The following LEF1 variants were observed in gnomAD, a reference collection of about 807,000 sequenced individuals.
LEF1 encodes the protein lymphoid enhancer-binding factor 1.
In LEF1, 14 loss-of-function variants were observed where a neutral mutation model predicts 51.2. That is an observed-to-expected ratio of 0.27 (90% CI 0.18 to 0.43). The LOEUF is 0.43. Ranked by LOEUF, LEF1 falls within the 20% of genes least tolerant of loss-of-function variation. The pLI, the probability that LEF1 is intolerant of heterozygous loss-of-function variation, is 1.00. For missense variants in LEF1, 386 were observed against 512.0 expected, an observed-to-expected ratio of 0.75 and a Z score of 2.37; for synonymous variants, 185 against 183.2, an observed-to-expected ratio of 1.01 and a Z score of -0.08.
intron 3 of LEF1, among the ~76,000 whole-genome samples, chr4:108,113,718 TG>T (rs1741664802): frequency 6.6e-6 from 1 of 152,140 alleles, no homozygotes; most frequent in Admixed American, 6.5e-5. Flanking sequence ...GTTGGGAGGG[TG>T]GGACCATGGA....
In LEF1 at chr4:108,167,475, C is replaced by A; in HGVS notation, c.213+80G>T. On this transcript the variant is annotated intron_variant, in intron 1 of 11. Transcript: ENST00000265165. The surrounding 1 kb of genome is among the most constrained non-coding windows in gnomAD (Gnocchi z 5.7). ...CGGGACCCTCAGCCGGGCGGCCGGG[C>A]GCCTTCGTTCCCTTCCTCCCTCTCT... The A allele has an allele frequency of 2.8e-6, 4 of 1,451,556 alleles. No individual in the cohort carries two copies. The highest frequency in any genetic ancestry group is 2.5e-4 in the Middle Eastern group (1 of 4,014). 89.9% of individuals were successfully genotyped at this position (1,451,556 alleles called of 1,614,324 possible).
intron 3 of LEF1, among the ~76,000 whole-genome samples, chr4:108,149,911 T>C (rs922150164): frequency 6.6e-6 from 1 of 151,836 alleles, no homozygotes; most frequent in Non-Finnish European, 1.5e-5. Context: ...TTATTTTTTC[T>C]GTTCTTTCAT....
chr4:108,127,126 G>T (rs1214924044), intron 3 of LEF1, among the ~76,000 whole-genome samples: 8 of 116,972 alleles, frequency 6.8e-5, no homozygotes, highest in Non-Finnish European at 1.3e-4. Flanking sequence ...CATGTGTAAT[G>T]GGGGCTCATT....
intron 11 of LEF1, among the ~76,000 whole-genome samples, chr4:108,051,161 A>G (rs1356452849): frequency 6.6e-6 from 1 of 152,062 alleles, no homozygotes; most frequent in Admixed American, 6.5e-5. Flanking sequence ...TCCTTATTCC[A>G]TGGGGTCACC....
intron 3 of LEF1, among the ~76,000 whole-genome samples, chr4:108,094,691 G>C (rs1246602599): frequency 3.9e-5 from 6 of 152,190 alleles, no homozygotes. Flanking sequence ...GCGGGATCTG[G>C]CTGTGCATAA....
chr4:108,150,184 T>C (rs989888335), intron 3 of LEF1, among the ~76,000 whole-genome samples: 3 of 152,202 alleles, frequency 2.0e-5, no homozygotes, highest in Non-Finnish European at 4.4e-5. Context: ...ACATACCACA[T>C]TTTAATTGCT....
At chr4:108,103,432 T>G (rs1740949853) in intron 3 of LEF1, among the ~76,000 whole-genome samples, 1 of 152,164 alleles carries the variant, frequency 6.6e-6, no homozygotes, top group South Asian at 2.1e-4. Flanking sequence ...AGGAATGAAT[T>G]TATGTGCCTA....
chr4:108,146,888 A>G (rs1230787202), intron 3 of LEF1, among the ~76,000 whole-genome samples: 1 of 152,196 alleles, frequency 6.6e-6, no homozygotes, highest in Non-Finnish European at 1.5e-5. Flanking sequence ...GTACCATAAG[A>G]AGTCCAGGAG....
chr4:108,139,432 C>T (rs546596781), intron 3 of LEF1, among the ~76,000 whole-genome samples: 17 of 152,356 alleles, frequency 1.1e-4, no homozygotes, highest in South Asian at 8.3e-4. Flanking sequence ...GCCAAGCTAA[C>T]TATCCTTTTC....
intron 3 of LEF1, among the ~76,000 whole-genome samples, chr4:108,159,957 G>T (rs570960968): frequency 6.6e-6 from 1 of 152,314 alleles, no homozygotes; most frequent in East Asian, 1.9e-4. Flanking sequence ...AATGAAGTTT[G>T]CAGCGCTACA....
At position 108,167,872 on chromosome 4, in the gene LEF1, G is replaced by T; in HGVS notation, c.-105C>A. On this transcript the variant is annotated 5_prime_UTR_variant, in exon 1 of 12. Transcript: ENST00000265165. This position sits in a 1 kb window ranked among gnomAD's most constrained non-coding sequence, Gnocchi z 5.7. ...GGGGGAGGAAAGGAGAGTTGGAAGG[G>T]TTCGTGCAGCAGGACAGCGGGCGGA... is the stretch of plus-strand genomic sequence containing the variant. The T allele has an allele frequency of 1.9e-6, 2 of 1,030,442 alleles. No homozygotes were observed. Among genetic ancestry groups the T allele is most frequent in the Admixed American group, 2.1e-5 (1 of 46,790 alleles). 63.8% of individuals were successfully genotyped at this position (1,030,442 alleles called of 1,614,324 possible).
chr4:108,122,790 A>T (rs1742260878), intron 3 of LEF1, among the ~76,000 whole-genome samples: 1 of 152,126 alleles, frequency 6.6e-6, no homozygotes, highest in African/African-American at 2.4e-5. Context: ...CCAGCCAATA[A>T]TTCTATTTTC....
chr4:108,108,885 G>C (rs898951014), intron 3 of LEF1, among the ~76,000 whole-genome samples: 1 of 152,110 alleles, frequency 6.6e-6, no homozygotes, highest in East Asian at 1.9e-4. Flanking sequence ...ACTGAAGATC[G>C]TACAAATAGA....
chr4:108,090,146 T>C (rs555601037), intron 3 of LEF1, among the ~76,000 whole-genome samples: 8 of 152,170 alleles, frequency 5.3e-5, no homozygotes, highest in African/African-American at 1.7e-4. Context: ...TCAGCTAATT[T>C]TTTTTGTATT....
At chr4:108,072,642 G>A (rs1282699649) in intron 8 of LEF1, among the ~76,000 whole-genome samples, 2 of 152,142 alleles carry the variant, frequency 1.3e-5, no homozygotes, top group Non-Finnish European at 2.9e-5. Flanking sequence ...ATTAGAGGGA[G>A]GTGCCAGGAA....
chr4:108,081,666 T>C lies in LEF1; in HGVS notation c.642A>G (p.Gln214=). The C allele has an allele frequency of 1.9e-6, 3 of 1,613,560 alleles. No individual in the cohort carries two copies. The highest frequency in any genetic ancestry group is 2.5e-6 in the Non-Finnish European group (3 of 1,179,594). The change falls in exon 6 of 12, where the codon CAA becomes CAG. Residue 214 remains glutamine, a synonymous_variant. Transcript: ENST00000265165. ...CCGTGATGGGATATACAGGCTGACC[T>C]TGCCTGAGGTCACAGAAGAAAGGAA... ...VGQITPPLGW[Q]GQPVYPITGG... is the part of the protein sequence containing the mutation.
At chr4:108,075,454 T>C (rs935803765) in intron 8 of LEF1, 1 of 152,260 alleles carries the variant, frequency 6.6e-6, no homozygotes, top group Admixed American at 6.5e-5. Context: ...CTCAACTGAA[T>C]GTTCATTTGC....
chr4:108,054,565 G>C (rs1201842242), intron 11 of LEF1, among the ~76,000 whole-genome samples: 2 of 152,224 alleles, frequency 1.3e-5, no homozygotes, highest in Non-Finnish European at 2.9e-5. Context: ...GAATGTGGCA[G>C]GTGGTCCATA....
chr4:108,146,706 C>T (rs1286272797), intron 3 of LEF1, among the ~76,000 whole-genome samples: 3 of 152,184 alleles, frequency 2.0e-5, no homozygotes, highest in Non-Finnish European at 4.4e-5. Context: ...AATCAATATC[C>T]TAAAAACTCC....
Sources: gnomAD v4.1 joint callset for allele counts (sites outside exome capture counted in the v4.1 genomes callset) on GRCh38, gnomAD v4.1.1 for gene constraint, Gnocchi (gnomAD v3.1) non-coding constraint, MANE v1.5 for transcripts, NCBI Gene and HGNC (gene_info 2026-07-23, HGNC 2026-07-21) for gene names.